Variants in TNS4 observed in about 807,000 individuals in gnomAD.
The protein encoded by TNS4 is tensin 4, also known as tensin-4.
In TNS4, 46 loss-of-function variants were observed where a neutral mutation model predicts 70.4. The observed-to-expected ratio is 0.65, with a 90% CI of 0.52 to 0.84. The LOEUF is 0.84. Among genes scored for constraint, TNS4 ranks in the 40% least tolerant of loss-of-function variants. TNS4 has a pLI of 0.00. For missense variants in TNS4, 863 were observed against 907.0 expected (o/e 0.95, Z 0.62); for synonymous variants, 390 against 366.6 (o/e 1.06, Z -0.73).
chr17:40,478,383 C>G, intron 11 of TNS4, 50 bp from the exon 12 acceptor site: 1 of 1,602,368 alleles, frequency 6.2e-7, no homozygotes. Context: ...CTCCATGCCA[C>G]AGGACCCTGG....
At position 40,488,555 on chromosome 17, in the gene TNS4, A is replaced by T. The variant is rs780395964; in HGVS notation, c.854T>A (p.Met285Lys). The change falls in exon 3 of 13, where the codon ATG (methionine) becomes AAG (lysine). Residue 285 changes from methionine (M) to lysine (K), a missense_variant. Physicochemically the swap from Met to Lys is moderately conservative, Grantham distance 95. Transcript: ENST00000254051. ...AAGCTACAGAACCTACCTTCCAAACATATAGCTGACATCAGACACTGGGCT... is the reference window on the plus strand; with the variant it reads ...AAGCTACAGAACCTACCTTCCAAACTTATAGCTGACATCAGACACTGGGCT... ...SASPVSDVSY[M>K]FGSSQSLLHS... is the part of the protein sequence containing the mutation. The T allele has an allele frequency of 4.6e-6, 7 of 1,509,172 alleles. No homozygotes were observed. The South Asian group carries it at 9.5e-5, about 20-fold the overall frequency. The allele number at this position is 1,509,172 out of a possible 1,614,324, so 93.5% of individuals were successfully genotyped here. A position where few individuals can be genotyped will look rare whatever the true frequency, so the allele number is the denominator to read the frequency against.
chr17:40,494,142 C>A (rs1467627275), intron 2 of TNS4, among the ~76,000 whole-genome samples: 1 of 152,226 alleles, frequency 6.6e-6, no homozygotes, highest in Non-Finnish European at 1.5e-5. Context: ...CCTCAGAGCC[C>A]AAACCTGGGG....
In TNS4 at chr17:40,488,758, G is replaced by T. The variant is rs1003684729; in HGVS notation, c.651C>A (p.Pro217=). The change falls in exon 3 of 13, where the codon CCC becomes CCA. Residue 217 remains proline (P), a synonymous_variant. Transcript: ENST00000254051. ...QGRGHQRPLP[P]SEGLSPRPPN... ...GGGGTCGAGGGGAGAGACCCTCTGA[G>T]GGGGGCAGAGGGCGCTGGTGCCCCC... The T allele has an allele frequency of 3.1e-6, 5 of 1,604,578 alleles. No individual in the cohort carries two copies. The highest frequency in any genetic ancestry group is 2.7e-5 in the African/African-American group (2 of 74,148).
At chr17:40,495,901 C>A in intron 2 of TNS4, 86 bp downstream of exon 2, 1 of 1,434,358 alleles carries the variant, frequency 7.0e-7, no homozygotes, top group East Asian at 2.4e-5. Flanking sequence ...AGGACAGGGT[C>A]CCCTTCTCTG....
At position 40,478,329 on chromosome 17, in the gene TNS4, G is replaced by C. The variant is rs1567807568; in HGVS notation, c.1984C>G (p.Gln662Glu). 1 of 1,609,918 alleles carries C rather than the reference G, an allele frequency of 6.2e-7. No homozygotes were observed. ...CGMDPEQRKW[Q>E]KYCKPSWIFG... is the part of the protein sequence containing the mutation. ...TACCAGGAGGGTTTGCAGTACTTCT[G>C]CCACCTGTAGGAAAAGAACATGATA... The change falls in exon 12 of 13, where the codon CAG (glutamine) becomes GAG (glutamate). Residue 662 changes from glutamine (Q) to glutamate (E), a missense_variant. Gln to Glu is a conservative substitution (Grantham distance 29). Coordinates refer to ENST00000254051, the MANE Select transcript of TNS4 (RefSeq NM_032865.6).
At chr17:40,495,956 C>T in intron 2 of TNS4, 31 bp downstream of exon 2, 1 of 1,571,590 alleles carries the variant, frequency 6.4e-7, no homozygotes, top group Non-Finnish European at 8.6e-7. Context: ...GCACCAAGCC[C>T]CCCTCCTGGT....
intron 2 of TNS4, among the ~76,000 whole-genome samples, chr17:40,495,682 T>G (rs1304281606): frequency 6.6e-6 from 1 of 152,184 alleles, no homozygotes; most frequent in Non-Finnish European, 1.5e-5. Flanking sequence ...TATTGAGCTC[T>G]TCTTTATGGG....
intron 9 of TNS4, 138 bp downstream of exon 9, chr17:40,480,562 A>C: frequency 2.4e-6 from 2 of 828,554 alleles, no homozygotes; most frequent in Non-Finnish European, 3.4e-6. Context: ...ACCTTGTTAA[A>C]GATGCAGAAA....
At chr17:40,493,730 G>A (rs1162580916) in intron 2 of TNS4, among the ~76,000 whole-genome samples, 3 of 152,214 alleles carry the variant, frequency 2.0e-5, no homozygotes, top group African/African-American at 7.2e-5. Context: ...GTGGTGCCCA[G>A]GGCATCTGTG....
rs189587103 is a variant in TNS4 at position 40,478,249 on chromosome 17, T to C, written c.2006+58A>G. 92 of 1,606,876 alleles carry C rather than the reference T, an allele frequency of 5.7e-5. No individual in the cohort carries two copies. The Admixed American group carries it at 6.5e-4, about 11-fold the overall frequency. Reference sequence around the variant, plus strand: ...TATTAAAGTCAGAATGGTGCCTCTTTCCTTCTGCAGTTCCCTCCCCATGTT... The same window carrying C: ...TATTAAAGTCAGAATGGTGCCTCTTCCCTTCTGCAGTTCCCTCCCCATGTT... On this transcript the variant is annotated intron_variant, in intron 12 of 12. Coordinates refer to ENST00000254051, the MANE Select transcript of TNS4 (RefSeq NM_032865.6).
chr17:40,478,171 C>A, intron 12 of TNS4, 136 bp downstream of exon 12: 1 of 1,158,166 alleles, frequency 8.6e-7, no homozygotes, highest in South Asian at 1.3e-5. Flanking sequence ...TCTTTCCCAT[C>A]AGATGGGAGC....
chr17:40,498,276 A>G (rs1483054250), intron 1 of TNS4, among the ~76,000 whole-genome samples: 2 of 152,188 alleles, frequency 1.3e-5, no homozygotes, highest in Admixed American at 1.3e-4. Flanking sequence ...ATAGCTCCTT[A>G]TGGTGTGACT....
chr17:40,483,897 A>T (rs2035958629), intron 6 of TNS4, among the ~76,000 whole-genome samples: 1 of 152,160 alleles, frequency 6.6e-6, no homozygotes, highest in Admixed American at 6.5e-5. Flanking sequence ...TGACCCAGGT[A>T]CCTTGTACTG....
chr17:40,483,987 T>C lies in TNS4; in HGVS notation c.1501+497A>G, dbSNP rs545446890. Among the ~76,000 whole-genome samples, 15 of 152,298 alleles carry C rather than the reference T, an allele frequency of 9.8e-5. No individual in the cohort carries two copies. In the East Asian group the frequency reaches 2.5e-3, roughly 25 times the overall value. On this transcript the variant is annotated intron_variant, in intron 6 of 12. Coordinates refer to ENST00000254051, the MANE Select transcript of TNS4 (RefSeq NM_032865.6). ...ACTGTATCCCTGCTGCCTCACACAG[T>C]GCCTGGTGTGTGGTGATGCTCCATA... is the stretch of plus-strand genomic sequence containing the variant.
Position 40,496,458 on chromosome 17 carries a change from G to A in TNS4, c.-33C>T, listed in dbSNP as rs753392031. 2 of 1,587,954 alleles carry A rather than the reference G, an allele frequency of 1.3e-6. No homozygotes were observed. Among genetic ancestry groups the A allele is most frequent in the African/African-American group, 1.3e-5 (1 of 74,356 alleles). Reference sequence around the variant, plus strand: ...GTGGTGACCTCTGCAGTTTACCTCTGGTCTTCAACCAGCCTCACTGACATC... The same window carrying A: ...GTGGTGACCTCTGCAGTTTACCTCTAGTCTTCAACCAGCCTCACTGACATC... On this transcript the variant is annotated 5_prime_UTR_variant, in exon 2 of 13. An upstream open reading frame in the 5' UTR gains an earlier in-frame stop. Coordinates refer to ENST00000254051, the MANE Select transcript of TNS4 (RefSeq NM_032865.6).
intron 4 of TNS4, among the ~76,000 whole-genome samples, chr17:40,485,483 A>C (rs2035979291): frequency 6.6e-6 from 1 of 152,256 alleles, no homozygotes; most frequent in Non-Finnish European, 1.5e-5. Flanking sequence ...ATCTGGGCAG[A>C]AAAACATGCC....
chr17:40,494,807 C>T (rs2036122495), intron 2 of TNS4, among the ~76,000 whole-genome samples: 1 of 151,640 alleles, frequency 6.6e-6, no homozygotes, highest in South Asian at 2.1e-4. Context: ...GTGCTCAGCA[C>T]AGTGCCTGAT....
intron 2 of TNS4, among the ~76,000 whole-genome samples, chr17:40,490,804 C>G (rs910764899): frequency 3.3e-5 from 5 of 152,234 alleles, no homozygotes; most frequent in African/African-American, 1.2e-4. Context: ...ACTTTCCTAA[C>G]CTCTCTGAGC....
chr17:40,496,250 C>A lies in TNS4; in HGVS notation c.176G>T (p.Cys59Phe). Residue 59 changes from cysteine (C) to phenylalanine (F), a missense_variant, in exon 2 of 13, where the codon TGC (cysteine) becomes TTC (phenylalanine). Cys to Phe is a radical substitution (Grantham distance 205). Coordinates refer to ENST00000254051, the MANE Select transcript of TNS4 (RefSeq NM_032865.6). ...CTGGAGTCGGCCAGGGGGCCCCATG[C>A]AGGGCACGGGGGCCATCAGGGCCTG... ...GAQALMAPVPCMGPPGRLQQA... is the reference protein window; with the variant it reads ...GAQALMAPVPFMGPPGRLQQA... The A allele has an allele frequency of 1.9e-6, 3 of 1,596,232 alleles. No homozygotes were observed. The highest frequency in any genetic ancestry group is 2.6e-6 in the Non-Finnish European group (3 of 1,171,880).
Sources: allele counts gnomAD v4.1 joint callset (sites outside exome capture counted in the v4.1 genomes callset), GRCh38; gene constraint gnomAD v4.1.1; transcripts MANE v1.5; gene names NCBI Gene and HGNC (gene_info 2026-07-23, HGNC 2026-07-21).